SMCHD1: variants seen among roughly 807,000 people sequenced by gnomAD.
SMCHD1 encodes structural maintenance of chromosomes flexible hinge domain-containing protein 1.
Under a neutral mutation model 254.7 loss-of-function variants are expected in SMCHD1, and 78 were observed. The observed-to-expected ratio is 0.31, with a 90% confidence interval of 0.26 to 0.37. SMCHD1 has a LOEUF of 0.37. SMCHD1 is among the 10% of genes least tolerant of loss of function. The pLI, the probability that SMCHD1 is intolerant of heterozygous loss-of-function variation, is 1.00. For synonymous variants in SMCHD1, 766 were observed against 794.9 expected, an observed-to-expected ratio of 0.96 and a Z score of 0.61; for missense variants, 1,840 against 2,408.1, an observed-to-expected ratio of 0.76 and a Z score of 4.94.
At chr18:2,745,554 A>AT (rs908966443) in intron 29 of SMCHD1, among the ~76,000 whole-genome samples, 31 of 151,430 alleles carry the variant, frequency 2.0e-4, no homozygotes, top group Non-Finnish European at 3.7e-4. Flanking sequence ...AAGCCAGTGC[A>AT]TTTTTTTTTC....
chr18:2,757,890 A>T (rs114128528), intron 34 of SMCHD1, among the ~76,000 whole-genome samples: 3,230 of 151,670 alleles, frequency 0.021, 83 homozygotes, highest in African/African-American at 0.064. Flanking sequence ...TATTATTATT[A>T]TTTTTTTCTT....
At position 2,760,721 on chromosome 18, in the gene SMCHD1, T is replaced by C; in HGVS notation, c.4416T>C (p.Asn1472=). The C allele has an allele frequency of 6.2e-7, 1 of 1,601,538 alleles. No homozygotes were observed. Residue 1472 remains asparagine (N), a synonymous_variant, in exon 35 of 48, where the codon AAT becomes AAC. Coordinates refer to ENST00000320876, the MANE Select transcript of SMCHD1 (RefSeq NM_015295.3). ...IQFGFMMDKT[N]ILNSEQVIVE... is the part of the protein sequence containing the mutation. ...TTGGTTTTATGATGGATAAAACAAA[T>C]ATTCTCAACAGTGAACAGGTTTGCT...
At chr18:2,798,712 A>T (rs1382728835) in intron 47 of SMCHD1, among the ~76,000 whole-genome samples, 2 of 152,256 alleles carry the variant, frequency 1.3e-5, no homozygotes, top group African/African-American at 4.8e-5. Context: ...TGTTTTCATT[A>T]CTAAAGCTTG....
At chr18:2,759,662 C>T (rs111645299) in intron 34 of SMCHD1, among the ~76,000 whole-genome samples, 1 of 147,404 alleles carries the variant, frequency 6.8e-6, no homozygotes, top group African/African-American at 2.5e-5. Flanking sequence ...CTCTGCCTTC[C>T]GGGTTCAAGC....
In SMCHD1 at chr18:2,697,980, C is replaced by T; in HGVS notation, c.1281C>T (p.Ile427=). 1 of 1,613,594 alleles carries T rather than the reference C, an allele frequency of 6.2e-7. No individual in the cohort carries two copies. Among genetic ancestry groups the T allele is most frequent in the Non-Finnish European group, 8.5e-7 (1 of 1,179,656 alleles). ...VEGDGVVEGI[I]RYHPFLYDRE... ...GAGATGGTGTAGTGGAAGGGATTAT[C>T]CGTTATCATCCATTCTTATATGATA... The change falls in exon 10 of 48, where the codon ATC becomes ATT. Residue 427 remains isoleucine (I), a synonymous_variant. Coordinates refer to ENST00000320876, the MANE Select transcript of SMCHD1 (RefSeq NM_015295.3).
At chr18:2,701,123 T>G (rs536213783) in intron 12 of SMCHD1, 94 of 383,508 alleles carry the variant, frequency 2.5e-4, no homozygotes, top group African/African-American at 1.8e-3. Flanking sequence ...TAGTAAAGAC[T>G]AGGTTTGGAT....
chr18:2,713,822 A>C (rs1477253801), intron 17 of SMCHD1, among the ~76,000 whole-genome samples: 1 of 152,202 alleles, frequency 6.6e-6, no homozygotes, highest in Admixed American at 6.5e-5. Flanking sequence ...TTATTCCACT[A>C]TGGTCCAAGA....
chr18:2,746,223 C>T (rs1267232780), intron 29 of SMCHD1, among the ~76,000 whole-genome samples: 3 of 152,150 alleles, frequency 2.0e-5, no homozygotes, highest in Non-Finnish European at 2.9e-5. Context: ...GAAATATTAA[C>T]ATGCCAGTAT....
Position 2,692,137 on chromosome 18 carries a change from A to G in SMCHD1, c.874-2390A>G, listed in dbSNP as rs2074193606. Among the ~76,000 whole-genome samples, 2 of 152,222 alleles carry G rather than the reference A, an allele frequency of 1.3e-5. 1 individual carries two copies. Among genetic ancestry groups the G allele is most frequent in the Admixed American group, 1.3e-4 (2 of 15,286 alleles). On this transcript the variant is annotated intron_variant, in intron 7 of 47. Transcript: ENST00000320876. ...CTCTGCAGCCCAAGAGAGTACAGTA[A>G]AAGGTGGTAGGAATGGGTGATGAAT...
At chr18:2,761,222 G>A (rs965838144) in intron 35 of SMCHD1, among the ~76,000 whole-genome samples, 3 of 152,082 alleles carry the variant, frequency 2.0e-5, no homozygotes, top group East Asian at 1.9e-4. Flanking sequence ...GGGTACACAC[G>A]GACACAAAGA....
intron 5 of SMCHD1, among the ~76,000 whole-genome samples, chr18:2,686,211 A>G (rs2074048713): frequency 6.6e-6 from 1 of 152,200 alleles, no homozygotes; most frequent in African/African-American, 2.4e-5. Flanking sequence ...TGAGCATCTC[A>G]AATTCAAAAA....
chr18:2,696,659 G>A (rs948544075), intron 8 of SMCHD1, among the ~76,000 whole-genome samples: 2 of 152,150 alleles, frequency 1.3e-5, no homozygotes, highest in African/African-American at 2.4e-5. Context: ...TTTCTGGAAC[G>A]TACCTGGTAA....
chr18:2,784,110 C>T (rs2076202237), intron 44 of SMCHD1, among the ~76,000 whole-genome samples: 1 of 152,146 alleles, frequency 6.6e-6, no homozygotes. Context: ...ACAGAGGAAA[C>T]TGGGTTGGTG....
At position 2,705,685 on chromosome 18, in the gene SMCHD1, A is replaced by G; in HGVS notation, c.1843-9A>G. ...GAAGCTTTTTTTTTTTTTAAAAACT[A>G]AATATTAGGTCAAGACAATCAAGAC... is the stretch of plus-strand genomic sequence containing the variant. On this transcript the variant is annotated splice_polypyrimidine_tract_variant and intron_variant, in intron 13 of 47. Transcript: ENST00000320876. 1 of 1,342,412 alleles carries G rather than the reference A, an allele frequency of 7.4e-7. No homozygotes were observed. The highest frequency in any genetic ancestry group is 1.0e-6 in the Non-Finnish European group (1 of 974,050). The allele number at this position is 1,342,412 out of a possible 1,614,324, so 83.2% of individuals were successfully genotyped here.
At chr18:2,717,435 C>T (rs531505200) in intron 17 of SMCHD1, among the ~76,000 whole-genome samples, 218 of 152,272 alleles carry the variant, frequency 1.4e-3, no homozygotes, top group African/African-American at 4.8e-3. Flanking sequence ...CTCCTGGGCT[C>T]AAGTAGTCCT....
At chr18:2,761,457 T>G (rs1245385343) in intron 35 of SMCHD1, among the ~76,000 whole-genome samples, 1 of 152,172 alleles carries the variant, frequency 6.6e-6, no homozygotes, top group Non-Finnish European at 1.5e-5. Context: ...AAATAAATAG[T>G]ATTTCAGTTA....
intron 37 of SMCHD1, among the ~76,000 whole-genome samples, chr18:2,768,659 T>C (rs889526898): frequency 8.1e-6 from 1 of 123,972 alleles, no homozygotes; most frequent in African/African-American, 2.7e-5. Context: ...GTATATAGTA[T>C]AGTATATAGT....
intron 21 of SMCHD1, 68 bp from the exon 22 acceptor site, chr18:2,726,384 T>G (rs948934072): frequency 1.3e-6 from 1 of 796,972 alleles, no homozygotes; most frequent in Admixed American, 3.1e-5. Flanking sequence ...TAAATCAGAA[T>G]TGATGTGATA....
intron 7 of SMCHD1, among the ~76,000 whole-genome samples, chr18:2,691,280 A>T (rs1186442932): frequency 1.3e-5 from 2 of 152,178 alleles, no homozygotes. Flanking sequence ...CTTGTATACA[A>T]CTGTGTCTCT....
Sources: gnomAD v4.1 joint callset for allele counts (sites outside exome capture counted in the v4.1 genomes callset) on GRCh38, gnomAD v4.1.1 for gene constraint, MANE v1.5 for transcripts, NCBI Gene and HGNC (gene_info 2026-07-23, HGNC 2026-07-21) for gene names.